Variants in TMEM38B observed in about 807,000 individuals in gnomAD.
The protein encoded by TMEM38B is transmembrane protein 38B.
TMEM38B carries 24 observed loss-of-function variants against 28.7 expected under a neutral mutation model. The ratio of observed to expected loss-of-function variants is 0.84; its 90% CI spans 0.61 to 1.18. TMEM38B has a LOEUF of 1.18. Among genes scored for constraint, TMEM38B ranks in the 50% most tolerant of loss-of-function variants. The pLI is 0.00. For missense variants in TMEM38B, 380 were observed against 350.9 expected (o/e 1.08, Z -0.66); for synonymous variants, 131 against 127.7 (o/e 1.03, Z -0.17).
At chr9:105,750,772 T>G (rs1207179958) in intron 5 of TMEM38B, among the ~76,000 whole-genome samples, 2 of 152,244 alleles carry the variant, frequency 1.3e-5, no homozygotes, top group Non-Finnish European at 2.9e-5. Context: ...TTTTATAGTT[T>G]TAGCTCTTGT....
chr9:105,765,240 A>T (rs544291700), intron 5 of TMEM38B, among the ~76,000 whole-genome samples: 1 of 152,364 alleles, frequency 6.6e-6, no homozygotes, highest in South Asian at 2.1e-4. Flanking sequence ...TACAATTTAA[A>T]AAATGCTTTA....
chr9:105,743,768 G>T (rs1016158668), intron 4 of TMEM38B, among the ~76,000 whole-genome samples: 1 of 152,132 alleles, frequency 6.6e-6, no homozygotes, highest in African/African-American at 2.4e-5. Context: ...ATGGGCAAAT[G>T]CTAAAAATCC....
Position 105,775,549 on chromosome 9 carries a change from T to G in TMEM38B, c.*1469T>G, listed in dbSNP as rs947598123. 2.6e-5 allele frequency: 4 copies of G among 152,092 alleles called. No homozygotes were observed. The highest frequency in any genetic ancestry group is 6.6e-5 in the Admixed American group (1 of 15,258). The allele number at this position is 152,092 out of a possible 1,614,324, so 9.4% of individuals were successfully genotyped here. A position where few individuals can be genotyped will look rare whatever the true frequency, so the allele number is the denominator to read the frequency against. On this transcript the variant is annotated 3_prime_UTR_variant, in exon 6 of 6. Transcript: ENST00000374692. ...AAATATAAACACCAGCAGATACTAT[T>G]ACTTGCTTAAAAAATTGGGAGGGGG...
chr9:105,773,957 T>C lies in TMEM38B; in HGVS notation c.753T>C (p.Phe251=), dbSNP rs368552144. 6.2e-7 allele frequency: 1 copy of C among 1,613,810 alleles called. No homozygotes were observed. Among genetic ancestry groups the C allele is most frequent in the Non-Finnish European group, 8.5e-7 (1 of 1,179,800 alleles). ...TGCTATTTGGCTGGCAGCAGCCGTT[T>C]TCATCATGTGAGAAGAAAAGTGAAG... ...SWMLFGWQQP[F]SSCEKKSEAK... The change falls in exon 6 of 6, where the codon TTT becomes TTC. Residue 251 remains phenylalanine (F), a synonymous_variant. Coordinates refer to ENST00000374692, the MANE Select transcript of TMEM38B (RefSeq NM_018112.3).
chr9:105,733,422 T>TTTC (rs1554778345), intron 4 of TMEM38B, among the ~76,000 whole-genome samples: 20 of 92,720 alleles, frequency 2.2e-4, no homozygotes, highest in African/African-American at 1.4e-3. Context: ...TTCTTTTTTC[T>TTTC]TTTTTTTTTT....
At chr9:105,766,817 T>C (rs1034872962) in intron 5 of TMEM38B, among the ~76,000 whole-genome samples, 2 of 152,096 alleles carry the variant, frequency 1.3e-5, no homozygotes, top group African/African-American at 2.4e-5. Flanking sequence ...TGTATACATG[T>C]GCCATGTTGG....
At chr9:105,724,072 G>A (rs956510620) in intron 4 of TMEM38B, among the ~76,000 whole-genome samples, 1 of 151,648 alleles carries the variant, frequency 6.6e-6, no homozygotes, top group African/African-American at 2.4e-5. Context: ...CTGACCTCAG[G>A]TGATCCACCC....
chr9:105,758,299 A>G, intron 5 of TMEM38B: 3 of 717,176 alleles, frequency 4.2e-6, no homozygotes, highest in Non-Finnish European at 7.6e-6. Flanking sequence ...TTCTAAAGAC[A>G]CATCTACAGC....
At chr9:105,758,620 G>T in intron 5 of TMEM38B, 1 of 843,584 alleles carries the variant, frequency 1.2e-6, no homozygotes. Flanking sequence ...AATGTTGATG[G>T]TACTAACCAG....
chr9:105,732,127 A>G (rs1836773929), intron 4 of TMEM38B, among the ~76,000 whole-genome samples: 1 of 152,148 alleles, frequency 6.6e-6, no homozygotes, highest in South Asian at 2.1e-4. Context: ...GTCTGTTCAT[A>G]TCCTTCACCC....
intron 5 of TMEM38B, among the ~76,000 whole-genome samples, chr9:105,771,137 T>A (rs765660095): frequency 6.6e-6 from 1 of 152,180 alleles, no homozygotes; most frequent in Non-Finnish European, 1.5e-5. Flanking sequence ...TTTTGTTTCA[T>A]CTCCTTTTTA....
intron 5 of TMEM38B, chr9:105,760,502 A>G: frequency 1.3e-6 from 1 of 744,004 alleles, no homozygotes; most frequent in Non-Finnish European, 2.4e-6. Context: ...AGTGCTCAGG[A>G]CTTTGAAAAG....
chr9:105,754,882 TAAAG>T (rs1353445229), intron 5 of TMEM38B, among the ~76,000 whole-genome samples: 2 of 151,996 alleles, frequency 1.3e-5, no homozygotes, highest in Non-Finnish European at 2.9e-5. Context: ...GCTAGACTAA[TAAAG>T]AAAAACAGAG....
chr9:105,721,035 C>T (rs1487890956), intron 2 of TMEM38B, among the ~76,000 whole-genome samples: 2 of 152,074 alleles, frequency 1.3e-5, no homozygotes, highest in East Asian at 3.9e-4. Flanking sequence ...CCGTCATGTA[C>T]CTTTGTATAG....
rs777072417 is a variant in TMEM38B, at chr9:105,694,708, C to A, written c.48C>A (p.Ser16=). ...DELALAFSRT[S]MFPFFDIAHY... ...TGGCTCTGGCCTTCTCCCGCACGTC[C>A]ATGTTTCCCTTTTTTGACATCGCGC... Residue 16 remains serine (S), a synonymous_variant, in exon 1 of 6, where the codon TCC becomes TCA. Coordinates refer to ENST00000374692, the MANE Select transcript of TMEM38B (RefSeq NM_018112.3). 7 of 1,614,042 alleles carry A rather than the reference C, an allele frequency of 4.3e-6. No homozygotes were observed. In the Admixed American group the frequency reaches 5.0e-5, roughly 12 times the overall value.
intron 5 of TMEM38B, among the ~76,000 whole-genome samples, chr9:105,768,270 G>C (rs1826440712): frequency 2.0e-5 from 3 of 152,024 alleles, no homozygotes; most frequent in African/African-American, 7.2e-5. Context: ...TTTCATTCCT[G>C]TGATAAACCC....
intron 4 of TMEM38B, among the ~76,000 whole-genome samples, chr9:105,737,978 G>A (rs1036403891): frequency 2.0e-5 from 3 of 152,190 alleles, no homozygotes; most frequent in Non-Finnish European, 4.4e-5. Context: ...TAGGCTTGAG[G>A]ATGGCAGGTC....
At chr9:105,712,799 G>A (rs1021333677) in intron 2 of TMEM38B, among the ~76,000 whole-genome samples, 2 of 152,234 alleles carry the variant, frequency 1.3e-5, no homozygotes, top group Non-Finnish European at 2.9e-5. Context: ...GGGAGAAGGC[G>A]GACAGCCCCA....
At chr9:105,752,083 G>GT (rs1041662232) in intron 5 of TMEM38B, among the ~76,000 whole-genome samples, 2 of 152,112 alleles carry the variant, frequency 1.3e-5, no homozygotes, top group East Asian at 3.9e-4. Flanking sequence ...TTACCAGACT[G>GT]TTTTTTTAAG....
Sources: gnomAD v4.1 joint callset for allele counts (sites outside exome capture counted in the v4.1 genomes callset) on GRCh38, gnomAD v4.1.1 for gene constraint, MANE v1.5 for transcripts, NCBI Gene and HGNC (gene_info 2026-07-23, HGNC 2026-07-21) for gene names.